GPCPD1: variants seen among roughly 807,000 people sequenced by gnomAD.
GPCPD1 encodes the protein glycerophosphocholine phosphodiesterase 1.
Under a neutral mutation model 89.2 loss-of-function variants are expected in GPCPD1, and 29 were observed. The ratio of observed to expected loss-of-function variants is 0.33; its 90% CI spans 0.24 to 0.44. The LOEUF (loss-of-function observed/expected upper bound fraction) is 0.44, where lower values mean the gene tolerates loss of function less well. Among genes scored for constraint, GPCPD1 ranks in the 20% least tolerant of loss-of-function variants. GPCPD1 has a pLI of 1.00. For missense variants in GPCPD1, 594 were observed against 808.9 expected, an observed-to-expected ratio of 0.73 and a Z score of 3.22; for synonymous variants, 258 against 266.3, an observed-to-expected ratio of 0.97 and a Z score of 0.30.
At chr20:5,604,990 T>TA (rs891581644) in intron 1 of GPCPD1, among the ~76,000 whole-genome samples, 25 of 151,506 alleles carry the variant, frequency 1.7e-4, no homozygotes, top group African/African-American at 5.3e-4. Flanking sequence ...AAAGTTTTTT[T>TA]AAAAAAAGCA....
chr20:5,555,093 T>C (rs898537441), intron 19 of GPCPD1, among the ~76,000 whole-genome samples: 5 of 152,154 alleles, frequency 3.3e-5, no homozygotes, highest in African/African-American at 9.7e-5. Context: ...TTCTTATGGA[T>C]GAGGAAAGAA....
intron 8 of GPCPD1, 52 bp downstream of exon 8, chr20:5,578,328 T>A: frequency 9.1e-7 from 1 of 1,097,940 alleles, no homozygotes. Flanking sequence ...AACGTTAAAA[T>A]AAGCTTGTCC....
Position 5,570,179 on chromosome 20 carries a change from G to C in GPCPD1, c.1117C>G (p.His373Asp). ...LSKDFVPVVYHDLTCCLTMKK... is the reference protein window; with the variant it reads ...LSKDFVPVVYDDLTCCLTMKK... ...ATAGTCAAACAACAGGTAAGATCATGATATACCACGGGCACAAAGTCCTTT... is the reference window on the plus strand; with the variant it reads ...ATAGTCAAACAACAGGTAAGATCATCATATACCACGGGCACAAAGTCCTTT... Residue 373 changes from histidine to aspartate, a missense_variant, in exon 12 of 20, where the codon CAT becomes GAT. Coordinates refer to ENST00000379019, the MANE Select transcript of GPCPD1 (RefSeq NM_019593.5). 6.3e-7 allele frequency: 1 copy of C among 1,584,838 alleles called. No homozygotes were observed. Among genetic ancestry groups the C allele is most frequent in the Non-Finnish European group, 8.7e-7 (1 of 1,154,490 alleles).
At position 5,545,111 on chromosome 20, in the gene GPCPD1, A is replaced by T. The variant is rs1266854680; in HGVS notation, c.*2550T>A. On this transcript the variant is annotated 3_prime_UTR_variant, in exon 20 of 20. Transcript: ENST00000379019. ...TTTCCATAAAGTATAAAATAATTTA[A>T]CATTATACCTCTACATTTCAAAATT... 1 of 152,222 alleles carries T rather than the reference A, an allele frequency of 6.6e-6. No homozygotes were observed. Among genetic ancestry groups the T allele is most frequent in the African/African-American group, 2.4e-5 (1 of 41,462 alleles). The allele number at this position is 152,222 out of a possible 1,614,324, so 9.4% of individuals were successfully genotyped here.
rs1164386459 is a variant in GPCPD1 at position 5,578,660 on chromosome 20, A to C, written c.474-49T>G. On this transcript the variant is annotated intron_variant, in intron 7 of 19. Transcript: ENST00000379019. ...GATGCAAGAAGTGGCAGAAAAGAAA[A>C]ACTCATACAAATGTTGCCTAAATTC... is the stretch of plus-strand genomic sequence containing the variant. 5 of 1,153,940 alleles carry C rather than the reference A, an allele frequency of 4.3e-6. 1 individual carries two copies. The South Asian group carries it at 6.3e-5, about 15-fold the overall frequency. 71.5% of individuals were successfully genotyped at this position (1,153,940 alleles called of 1,614,324 possible). A position where few individuals can be genotyped will look rare whatever the true frequency, so the allele number is the denominator to read the frequency against.
chr20:5,563,291 T>C (rs893199706), intron 15 of GPCPD1, among the ~76,000 whole-genome samples: 2 of 152,074 alleles, frequency 1.3e-5, no homozygotes, highest in African/African-American at 4.8e-5. Flanking sequence ...AATTTCTTTG[T>C]GATTGAATTA....
intron 15 of GPCPD1, 102 bp downstream of exon 15, chr20:5,564,915 T>C (rs1314611737): frequency 2.8e-6 from 2 of 721,514 alleles, no homozygotes; most frequent in African/African-American, 3.5e-5. Context: ...TAACATTGTC[T>C]TTAACACAGC....
intron 5 of GPCPD1, 107 bp downstream of exon 5, chr20:5,586,087 T>C (rs963872359): frequency 2.9e-5 from 16 of 557,386 alleles, no homozygotes; most frequent in African/African-American, 1.2e-4. Flanking sequence ...TGACAATGCA[T>C]TGACCTTAAC....
chr20:5,573,964 G>T lies in GPCPD1; in HGVS notation c.1007C>A (p.Ala336Asp). ...AGCAATAGTATTTTCTTGAACTTTA[G>T]CCAGCCTGAAAAGAAGAAATACAGT... ...AGNSTTTAQL[A>D]KVQENTIASL... Residue 336 changes from alanine to aspartate, a missense_variant, in exon 11 of 20, where the codon GCT becomes GAT. Transcript: ENST00000379019. 2 of 1,478,186 alleles carry T rather than the reference G, an allele frequency of 1.4e-6. No individual in the cohort carries two copies. The highest frequency in any genetic ancestry group is 1.9e-6 in the Non-Finnish European group (2 of 1,056,336). 91.6% of individuals were successfully genotyped at this position (1,478,186 alleles called of 1,614,324 possible).
chr20:5,572,657 C>G (rs1986787807), intron 11 of GPCPD1, among the ~76,000 whole-genome samples: 1 of 152,178 alleles, frequency 6.6e-6, no homozygotes, highest in Admixed American at 6.5e-5. Flanking sequence ...GATGTTCCTC[C>G]ATTTTCCCCC....
At chr20:5,594,550 C>A (rs1307555597) in intron 3 of GPCPD1, among the ~76,000 whole-genome samples, 1 of 151,984 alleles carries the variant, frequency 6.6e-6, no homozygotes, top group African/African-American at 2.4e-5. Flanking sequence ...CCTCGGCCTC[C>A]CAAAGTGCTG....
intron 6 of GPCPD1, among the ~76,000 whole-genome samples, chr20:5,583,113 A>C (rs1181054492): frequency 6.6e-6 from 1 of 150,776 alleles, no homozygotes; most frequent in Non-Finnish European, 1.5e-5. Flanking sequence ...AATCCAAGCT[A>C]CTCAGGAGGC....
At chr20:5,594,684 G>T (rs1286866164) in intron 3 of GPCPD1, among the ~76,000 whole-genome samples, 1 of 152,144 alleles carries the variant, frequency 6.6e-6, no homozygotes, top group African/African-American at 2.4e-5. Flanking sequence ...GCCCTACCTG[G>T]CTCTGCTAAG....
chr20:5,559,387 A>G (rs1046691271), intron 17 of GPCPD1, among the ~76,000 whole-genome samples: 2 of 152,210 alleles, frequency 1.3e-5, no homozygotes, highest in Non-Finnish European at 2.9e-5. Context: ...AGAGTTTGAC[A>G]CCAGCCTGTG....
At chr20:5,576,567 C>T (rs1400194549) in intron 8 of GPCPD1, among the ~76,000 whole-genome samples, 1 of 152,032 alleles carries the variant, frequency 6.6e-6, no homozygotes, top group Non-Finnish European at 1.5e-5. Flanking sequence ...TGATTAAATA[C>T]ATTTTCTTTG....
rs376344335 is a variant in GPCPD1, at chr20:5,598,737, T to C, written c.134A>G (p.Asp45Gly). 1.3e-6 allele frequency: 2 copies of C among 1,599,904 alleles called. No homozygotes were observed. The highest frequency in any genetic ancestry group is 1.7e-6 in the Non-Finnish European group (2 of 1,167,032). ...TTTCCATACTCACCTTTCACCTGTG[T>C]CATTCTCTGGAAGAAGAGCCACAGC... ...QNAVALLPEN[D>G]TGESMLWKAT... The change falls in exon 3 of 20, where the codon GAC becomes GGC. Residue 45 changes from aspartate (D) to glycine (G), a missense_variant. Asp to Gly is a moderately conservative substitution (Grantham distance 94). Transcript: ENST00000379019.
At chr20:5,571,292 C>A (rs1055159737) in intron 11 of GPCPD1, among the ~76,000 whole-genome samples, 1 of 152,204 alleles carries the variant, frequency 6.6e-6, no homozygotes, top group Non-Finnish European at 1.5e-5. Flanking sequence ...CCAAAGAGGA[C>A]AAACCCTACC....
intron 2 of GPCPD1, among the ~76,000 whole-genome samples, chr20:5,601,727 C>A (rs1980170528): frequency 6.6e-6 from 1 of 152,066 alleles, no homozygotes; most frequent in Non-Finnish European, 1.5e-5. Flanking sequence ...TCTCATCCCC[C>A]ACATAAAACA....
intron 19 of GPCPD1, among the ~76,000 whole-genome samples, chr20:5,549,748 CAAAA>C (rs397864689): frequency 0.011 from 1,056 of 95,576 alleles, 15 homozygotes; most frequent in African/African-American, 0.037. Context: ...GAACCTGCCT[CAAAA>C]AAAAAAAAAA....
Sources: gnomAD v4.1 joint callset for allele counts (sites outside exome capture counted in the v4.1 genomes callset) on GRCh38, gnomAD v4.1.1 for gene constraint, MANE v1.5 for transcripts, NCBI Gene and HGNC (gene_info 2026-07-23, HGNC 2026-07-21) for gene names.